The following PTBP2 variants were observed in gnomAD, a reference collection of about 807,000 sequenced individuals.
PTBP2 encodes polypyrimidine tract binding protein 2.
PTBP2 carries 13 observed loss-of-function variants against 61.4 expected under a neutral mutation model. That is an observed-to-expected ratio of 0.21 (90% confidence interval 0.14 to 0.34). PTBP2 has a LOEUF of 0.34. Among genes scored for constraint, PTBP2 ranks in the 10% least tolerant of loss-of-function variants. The probability of loss-of-function intolerance (pLI) is 1.00; values close to 1 mark genes in which losing one functional copy is unlikely to be tolerated. For missense variants in PTBP2, 405 were observed against 642.6 expected, an observed-to-expected ratio of 0.63 and a Z score of 4.00; for synonymous variants, 215 against 218.5, an observed-to-expected ratio of 0.98 and a Z score of 0.14.
At chr1:96,806,590 A>G (rs1661512404) in intron 10 of PTBP2, 138 bp downstream of exon 10, 7 of 971,560 alleles carry the variant, frequency 7.2e-6, no homozygotes, top group Non-Finnish European at 7.7e-6. Context: ...AAAACTCTCC[A>G]TAGACACAAA....
At chr1:96,775,865 G>A (rs765842045) in intron 5 of PTBP2, among the ~76,000 whole-genome samples, 46 of 151,740 alleles carry the variant, frequency 3.0e-4, no homozygotes, top group Non-Finnish European at 5.0e-4. Context: ...AGCCATAAAA[G>A]GAAGATAGAG....
chr1:96,820,905 TTATAG>T (rs1163149431), exon 14 of PTBP2: 2 of 152,286 alleles, frequency 1.3e-5, no homozygotes, highest in African/African-American at 2.4e-5. Context: ...TTATGTTGTG[TTATAG>T]TATAACTGAC....
At position 96,813,424 on chromosome 1, in the gene PTBP2, T is replaced by TG. The variant is rs752136253; in HGVS notation, c.*24dup. On this transcript the variant is annotated 3_prime_UTR_variant, in exon 14 of 14. Coordinates refer to ENST00000674951, the MANE Select transcript of PTBP2 (RefSeq NM_021190.4). ...AATTTAAAAATGGGAAGATGAAGAT[T>TG]GGGGGTGAATCACATTGTTCAATGT... 1.3e-6 allele frequency: 2 copies of TG among 1,566,108 alleles called. No individual in the cohort carries two copies. The highest frequency in any genetic ancestry group is 2.4e-5 in the South Asian group (2 of 84,146).
chr1:96,800,025 C>T (rs1428118264), intron 8 of PTBP2, among the ~76,000 whole-genome samples: 1 of 152,070 alleles, frequency 6.6e-6, no homozygotes, highest in Non-Finnish European at 1.5e-5. Context: ...AGTTATCAGC[C>T]GCGGGGAGGA....
At chr1:96,798,423 TAGAA>T (rs1415387287) in intron 8 of PTBP2, among the ~76,000 whole-genome samples, 12 of 151,930 alleles carry the variant, frequency 7.9e-5, no homozygotes, top group Non-Finnish European at 1.2e-4. Flanking sequence ...CAAAAAGAAT[TAGAA>T]AGGGCTTTAG....
chr1:96,785,105 T>C lies in PTBP2; in HGVS notation c.755T>C (p.Ile252Thr). 1 of 1,608,584 alleles carries C rather than the reference T, an allele frequency of 6.2e-7. No individual in the cohort carries two copies. The change falls in exon 8 of 14, where the codon ATT (isoleucine) becomes ACT (threonine). Residue 252 changes from isoleucine (I) to threonine (T), a missense_variant. Physicochemically the swap from Ile to Thr is moderately conservative, Grantham distance 89. This residue lies in a region of PTBP2 where 342 missense variants were observed against 491.2 expected (regional missense o/e 0.70). Coordinates refer to ENST00000674951, the MANE Select transcript of PTBP2 (RefSeq NM_021190.4). ...NIYNACCTLR[I>T]DFSKLVNLNV... ...TATAATGCCTGCTGTACCCTAAGGA[T>C]TGATTTTTCCAAACTTGTGAATTTG... is the stretch of plus-strand genomic sequence containing the variant.
chr1:96,722,430 G>A (rs1021415052), intron 1 of PTBP2, among the ~76,000 whole-genome samples: 5 of 151,516 alleles, frequency 3.3e-5, no homozygotes, highest in African/African-American at 1.2e-4. Context: ...CCTAGTGGGA[G>A]CCGCTGGGGA....
At chr1:96,756,136 C>T (rs143129063) in intron 3 of PTBP2, among the ~76,000 whole-genome samples, 3,102 of 152,234 alleles carry the variant, frequency 0.02, 90 homozygotes, top group African/African-American at 0.064. Flanking sequence ...CAGTGGCTTA[C>T]GCCTGTAATC....
At chr1:96,728,803 A>G (rs1303546252) in intron 2 of PTBP2, among the ~76,000 whole-genome samples, 1 of 131,978 alleles carries the variant, frequency 7.6e-6, no homozygotes, top group Non-Finnish European at 1.6e-5. Flanking sequence ...TAGGTCTTTA[A>G]TTTCTTTAAG....
chr1:96,750,382 G>GT (rs1654383599), intron 2 of PTBP2, among the ~76,000 whole-genome samples: 1 of 148,248 alleles, frequency 6.7e-6, no homozygotes, highest in South Asian at 2.1e-4. Context: ...GAAACTGGTT[G>GT]TATTTTTCTG....
intron 8 of PTBP2, among the ~76,000 whole-genome samples, chr1:96,789,345 T>G (rs1358531055): frequency 1.3e-5 from 2 of 152,012 alleles, no homozygotes; most frequent in Non-Finnish European, 2.9e-5. Flanking sequence ...AACATGTAGG[T>G]CTTATAGAAT....
chr1:96,797,239 C>G (rs1014396229), intron 8 of PTBP2, among the ~76,000 whole-genome samples: 1 of 152,146 alleles, frequency 6.6e-6, no homozygotes, highest in African/African-American at 2.4e-5. Context: ...GCACATGATG[C>G]ATCCTTATTC....
chr1:96,751,334 A>T, intron 2 of PTBP2, 91 bp from the exon 3 acceptor site: 1 of 982,580 alleles, frequency 1.0e-6, no homozygotes, highest in Non-Finnish European at 1.6e-6. Context: ...TATTCCCAAT[A>T]GTGTAACATT....
chr1:96,769,920 C>T, intron 4 of PTBP2, 45 bp downstream of exon 4: 1 of 1,402,288 alleles, frequency 7.1e-7, no homozygotes, highest in East Asian at 2.5e-5. Context: ...CCCAAACTAT[C>T]CAGCAGGTGT....
At chr1:96,754,835 A>G (rs1317960887) in intron 3 of PTBP2, among the ~76,000 whole-genome samples, 2 of 152,156 alleles carry the variant, frequency 1.3e-5, no homozygotes, top group Non-Finnish European at 2.9e-5. Context: ...TCTGTATCTC[A>G]CACTGCATAT....
intron 11 of PTBP2, among the ~76,000 whole-genome samples, chr1:96,810,766 A>T (rs1370247399): frequency 1.3e-5 from 2 of 152,216 alleles, no homozygotes; most frequent in Non-Finnish European, 2.9e-5. Flanking sequence ...TTATCTAAAC[A>T]AAAGTTTGTT....
intron 3 of PTBP2, among the ~76,000 whole-genome samples, chr1:96,760,674 T>C (rs1281662379): frequency 6.6e-6 from 1 of 152,118 alleles, no homozygotes; most frequent in African/African-American, 2.4e-5. Context: ...CTTGCTCTCT[T>C]GACGTTGTGA....
chr1:96,804,896 C>G lies in PTBP2; in HGVS notation c.1001C>G (p.Ala334Gly). 6.2e-7 allele frequency: 1 copy of G among 1,610,980 alleles called. No homozygotes were observed. The highest frequency in any genetic ancestry group is 8.5e-7 in the Non-Finnish European group (1 of 1,178,230). The change falls in exon 9 of 14, where the codon GCT becomes GGT. Residue 334 changes from alanine to glycine, a missense_variant. Transcript: ENST00000674951. The part of the protein sequence containing the change: ...AGRVGMPGVS[A>G]GGNTVLLVSN... ...CGAGTGGGTATGCCTGGAGTCTCAG[C>G]TGGTGGCAATACAGTCCTGTTGGTT...
chr1:96,757,631 A>G (rs1333226959), intron 3 of PTBP2, among the ~76,000 whole-genome samples: 1 of 152,186 alleles, frequency 6.6e-6, no homozygotes, highest in Non-Finnish European at 1.5e-5. Context: ...CAGTAACTGT[A>G]AAATAACTTC....
Sources: allele counts gnomAD v4.1 joint callset (sites outside exome capture counted in the v4.1 genomes callset), GRCh38; gene constraint gnomAD v4.1.1; regional missense constraint gnomAD v4.1.1; transcripts MANE v1.5; gene names NCBI Gene and HGNC (gene_info 2026-07-23, HGNC 2026-07-21).